RNF170: variants seen among roughly 807,000 people sequenced by gnomAD.
RNF170 encodes the protein ring finger protein 170.
In RNF170, 12 loss-of-function variants were observed where a neutral mutation model predicts 32.7. That is an observed-to-expected ratio of 0.37 (90% CI 0.24 to 0.60). RNF170 has a LOEUF of 0.60. Ranked by LOEUF, RNF170 falls within the 20% of genes least tolerant of loss-of-function variation. RNF170 has a pLI of 0.72. For synonymous variants in RNF170, 91 were observed against 103.6 expected, an observed-to-expected ratio of 0.88 and a Z score of 0.74; for missense variants, 212 against 311.2, an observed-to-expected ratio of 0.68 and a Z score of 2.40.
At chr8:42,857,378 C>A (rs959604996) in intron 6 of RNF170, among the ~76,000 whole-genome samples, 1 of 152,196 alleles carries the variant, frequency 6.6e-6, no homozygotes, top group African/African-American at 2.4e-5. Context: ...ATATCTAAAG[C>A]AAAACAGCCT....
In RNF170 at chr8:42,865,337, T is replaced by A; in HGVS notation, c.396+79A>T. On this transcript the variant is annotated intron_variant, in intron 5 of 6. Coordinates refer to ENST00000527424, the MANE Select transcript of RNF170 (RefSeq NM_030954.4). ...GTTCTGCTAAAAAGACAATAATAAT[T>A]CCAAATGTAGATACAAAAACTATAA... The A allele has an allele frequency of 3.7e-6, 4 of 1,070,276 alleles. No individual in the cohort carries two copies. The South Asian group carries it at 3.8e-5, about 10-fold the overall frequency. The allele number at this position is 1,070,276 out of a possible 1,614,324, so 66.3% of individuals were successfully genotyped here. A position where few individuals can be genotyped will look rare whatever the true frequency, so the allele number is the denominator to read the frequency against.
intron 2 of RNF170, among the ~76,000 whole-genome samples, chr8:42,881,010 T>C (rs1374533742): frequency 6.6e-6 from 1 of 152,254 alleles, no homozygotes; most frequent in Non-Finnish European, 1.5e-5. Context: ...TGAACATAAC[T>C]TTTATATGCA....
At chr8:42,852,959 T>C (rs1802981242), downstream of RNF170, among the ~76,000 whole-genome samples, 4 of 149,724 alleles carry the variant, frequency 2.7e-5, no homozygotes, top group Admixed American at 2.7e-4. Flanking sequence ...CTACAAACTT[T>C]TTTTTTTTTT....
chr8:42,889,691 T>C (rs74655082), intron 1 of RNF170, among the ~76,000 whole-genome samples: 217 of 152,314 alleles, frequency 1.4e-3, no homozygotes, highest in Non-Finnish European at 2.3e-3. Flanking sequence ...TTTTAATGAC[T>C]GGTTTCAAGT....
chr8:42,859,087 G>A (rs1016506923), intron 6 of RNF170, among the ~76,000 whole-genome samples: 2 of 152,186 alleles, frequency 1.3e-5, no homozygotes, highest in East Asian at 1.9e-4. Flanking sequence ...GGGAGGCTGA[G>A]GTGGGAGGAA....
At chr8:42,874,941 G>T (rs1014678996) in intron 2 of RNF170, among the ~76,000 whole-genome samples, 1 of 152,098 alleles carries the variant, frequency 6.6e-6, no homozygotes, top group African/African-American at 2.4e-5. Flanking sequence ...GGAGGCCGAG[G>T]CCGGTGGATC....
chr8:42,852,858 G>C (rs995990610), downstream of RNF170, among the ~76,000 whole-genome samples: 4 of 152,074 alleles, frequency 2.6e-5, no homozygotes, highest in Non-Finnish European at 5.9e-5. Context: ...TCAGCACTGG[G>C]CATGGTGGTT....
intron 2 of RNF170, among the ~76,000 whole-genome samples, chr8:42,881,886 A>G (rs956686040): frequency 6.6e-6 from 1 of 152,158 alleles, no homozygotes; most frequent in African/African-American, 2.4e-5. Flanking sequence ...AGTGAGCCAT[A>G]ATCACGCCAC....
At chr8:42,871,212 A>T (rs1472588377) in intron 3 of RNF170, among the ~76,000 whole-genome samples, 1 of 152,194 alleles carries the variant, frequency 6.6e-6, no homozygotes, top group Non-Finnish European at 1.5e-5. Context: ...TCTCAAAAAA[A>T]AAAAGTGTCT....
chr8:42,856,177 G>C lies in RNF170; in HGVS notation c.759C>G (p.Thr253=), dbSNP rs1803233030. 1 of 1,612,562 alleles carries C rather than the reference G, an allele frequency of 6.2e-7. No homozygotes were observed. Among genetic ancestry groups the C allele is most frequent in the East Asian group, 2.2e-5 (1 of 44,828 alleles). Residue 253 remains threonine (T), a synonymous_variant, in exon 7 of 7, where the codon ACC becomes ACG. Coordinates refer to ENST00000527424, the MANE Select transcript of RNF170 (RefSeq NM_030954.4). ...YISIMYREVI[T]QRLTR is the part of the protein sequence containing the mutation. ...TTCTTTTTCATCTAGTTAGCCTTTG[G>C]GTTATCACTTCTCGATACATAATAG...
chr8:42,867,206 T>TGTAATCC (rs1180844521), intron 4 of RNF170, among the ~76,000 whole-genome samples: 1 of 152,198 alleles, frequency 6.6e-6, no homozygotes, highest in African/African-American at 2.4e-5. Context: ...GCACAGTGGC[T>TGTAATCC]CACGCCTGTA....
At chr8:42,891,900 G>C (rs554743485) in intron 1 of RNF170, among the ~76,000 whole-genome samples, 2 of 152,168 alleles carry the variant, frequency 1.3e-5, no homozygotes, top group Admixed American at 1.3e-4. Context: ...ACCCTCCCTA[G>C]GACACAGTTT....
chr8:42,869,792 C>A (rs1804388003), intron 4 of RNF170, among the ~76,000 whole-genome samples: 1 of 152,176 alleles, frequency 6.6e-6, no homozygotes, highest in Non-Finnish European at 1.5e-5. Context: ...ATAGCTGCTA[C>A]ATGGACACAC....
intron 1 of RNF170, among the ~76,000 whole-genome samples, chr8:42,895,537 T>C (rs1253597857): frequency 6.6e-6 from 1 of 152,164 alleles, no homozygotes; most frequent in Admixed American, 6.5e-5. Flanking sequence ...GACTCCAAAG[T>C]GCATGTCCTG....
At chr8:42,870,477 A>T (rs1804441704) in intron 3 of RNF170, among the ~76,000 whole-genome samples, 1 of 152,198 alleles carries the variant, frequency 6.6e-6, no homozygotes, top group South Asian at 2.1e-4. Flanking sequence ...CTGTAATCCC[A>T]GCACTTTGGG....
chr8:42,854,256 A>C lies in RNF170; in HGVS notation c.*1903T>G. 7.8e-7 allele frequency: 1 copy of C among 1,287,238 alleles called. No homozygotes were observed. Among genetic ancestry groups the C allele is most frequent in the Non-Finnish European group, 1.0e-6 (1 of 988,700 alleles). 79.7% of individuals were successfully genotyped at this position (1,287,238 alleles called of 1,614,324 possible). A position where few individuals can be genotyped will look rare whatever the true frequency, so the allele number is the denominator to read the frequency against. ...AATGTAGCACGAAAGACTTCCAAAG[A>C]ACCAGTTTCTCTCTTGCTGTTCCTC... On this transcript the variant is annotated 3_prime_UTR_variant, in exon 7 of 7. Transcript: ENST00000527424.
chr8:42,854,738 A>G lies in RNF170; in HGVS notation c.*1421T>C, dbSNP rs920551598. ...TTAATAGCAGTGATCTCAGATGACAATGCTAACACTGACTCCTGGGCATCC... is the reference window on the plus strand; with the variant it reads ...TTAATAGCAGTGATCTCAGATGACAGTGCTAACACTGACTCCTGGGCATCC... On this transcript the variant is annotated 3_prime_UTR_variant, in exon 7 of 7. Coordinates refer to ENST00000527424, the MANE Select transcript of RNF170 (RefSeq NM_030954.4). 77 of 1,287,314 alleles carry G rather than the reference A, an allele frequency of 6.0e-5. No individual in the cohort carries two copies. The highest frequency in any genetic ancestry group is 7.4e-5 in the Non-Finnish European group (73 of 988,636). The allele number at this position is 1,287,314 out of a possible 1,614,324, so 79.7% of individuals were successfully genotyped here.
Position 42,861,729 on chromosome 8 carries a change from C to A in RNF170, c.507+16G>T, listed in dbSNP as rs904608923. 2.6e-6 allele frequency: 4 copies of A among 1,558,064 alleles called. No individual in the cohort carries two copies. The highest frequency in any genetic ancestry group is 1.7e-5 in the Admixed American group (1 of 59,914). ...GTGTCTTCCTCTAACTTTGAACATG[C>A]TTTAGCATTACTTACAGATCTGGGT... On this transcript the variant is annotated intron_variant, in intron 6 of 6. Coordinates refer to ENST00000527424, the MANE Select transcript of RNF170 (RefSeq NM_030954.4).
chr8:42,871,185 G>C (rs1804499610), intron 3 of RNF170, among the ~76,000 whole-genome samples: 1 of 151,824 alleles, frequency 6.6e-6, no homozygotes, highest in Admixed American at 6.6e-5. Context: ...ACTCCTGCCT[G>C]GGCAACAGAG....
Sources: gnomAD v4.1 joint callset for allele counts (sites outside exome capture counted in the v4.1 genomes callset) on GRCh38, gnomAD v4.1.1 for gene constraint, MANE v1.5 for transcripts, NCBI Gene and HGNC (gene_info 2026-07-23, HGNC 2026-07-21) for gene names.